Variants in DMRT2 observed in about 807,000 individuals in gnomAD.
DMRT2 encodes doublesex and mab-3 related transcription factor 2.
A neutral mutation model predicts 43.5 loss-of-function variants in DMRT2; 33 were observed. The ratio of observed to expected loss-of-function variants is 0.76; its 90% confidence interval spans 0.58 to 1.01. DMRT2 has a LOEUF of 1.01. Among genes scored for constraint, DMRT2 ranks in the 50% least tolerant of loss-of-function variants. DMRT2 has a pLI of 0.00. For synonymous variants in DMRT2, 395 were observed against 309.2 expected, an observed-to-expected ratio of 1.28 and a Z score of -2.91; for missense variants, 1,064 against 748.0, an observed-to-expected ratio of 1.42 and a Z score of -4.93.
At chr9:1,055,540 A>AT (rs1204537357) in intron 3 of DMRT2, among the ~76,000 whole-genome samples, 3 of 138,964 alleles carry the variant, frequency 2.2e-5, no homozygotes, top group African/African-American at 9.0e-5. Flanking sequence ...GTTTTATTTT[A>AT]TTTTATTTTT....
chr9:1,051,878 C>G lies in DMRT2; in HGVS notation c.265C>G (p.Pro89Ala). ...GCGGGGGGGACCGCAGCCGAGGCCG[C>G]CGCTCGCGCCTCAGGCCTCACCCGC... is the stretch of plus-strand genomic sequence containing the variant. ...EQRGGPQPRP[P>A]LAPQASPAGT... The change falls in exon 2 of 4, where the codon CCG becomes GCG. Residue 89 changes from proline to alanine, a missense_variant. Coordinates refer to ENST00000358146, the MANE Select transcript of DMRT2 (RefSeq NM_181872.6). This position sits in a 1 kb window ranked among gnomAD's most constrained non-coding sequence, Gnocchi z 5.9. The G allele has an allele frequency of 7.2e-7, 1 of 1,380,322 alleles. No homozygotes were observed. The allele number at this position is 1,380,322 out of a possible 1,614,324, so 85.5% of individuals were successfully genotyped here. A position where few individuals can be genotyped will look rare whatever the true frequency, so the allele number is the denominator to read the frequency against.
At position 1,056,717 on chromosome 9, in the gene DMRT2, A is replaced by G. The variant is rs745479643; in HGVS notation, c.1130A>G (p.Asp377Gly). The G allele has an allele frequency of 6.2e-6, 10 of 1,613,990 alleles. No homozygotes were observed. Among genetic ancestry groups the G allele is most frequent in the Admixed American group, 3.3e-5 (2 of 59,996 alleles). ...GCCCTGAAGCCTGGGGCCAGCTGGGACTTGAAGGGAGCACGAGTCCAGGAT... is the reference window on the plus strand; with the variant it reads ...GCCCTGAAGCCTGGGGCCAGCTGGGGCTTGAAGGGAGCACGAGTCCAGGAT... ...VQALKPGASW[D>G]LKGARVQDGL... The change falls in exon 4 of 4, where the codon GAC becomes GGC. Residue 377 changes from aspartate to glycine, a missense_variant. Transcript: ENST00000358146.
At chr9:1,055,759 A>G in intron 3 of DMRT2, 1 of 1,508,242 alleles carries the variant, frequency 6.6e-7, no homozygotes, top group Non-Finnish European at 8.9e-7. Context: ...ATGTGTACAT[A>G]ATGAACCATC....
chr9:1,051,884 G>C lies in DMRT2; in HGVS notation c.271G>C (p.Ala91Pro). The change falls in exon 2 of 4, where the codon GCG becomes CCG. Residue 91 changes from alanine to proline, a missense_variant. Coordinates refer to ENST00000358146, the MANE Select transcript of DMRT2 (RefSeq NM_181872.6). The surrounding 1 kb of genome is among the most constrained non-coding windows in gnomAD (Gnocchi z 5.9). ...RGGPQPRPPL[A>P]PQASPAGTGP... The stretch of plus-strand genomic sequence containing the variant: ...GGGACCGCAGCCGAGGCCGCCGCTC[G>C]CGCCTCAGGCCTCACCCGCCGGCAC... 1 of 1,379,480 alleles carries C rather than the reference G, an allele frequency of 7.2e-7. No homozygotes were observed. Among genetic ancestry groups the C allele is most frequent in the Non-Finnish European group, 9.3e-7 (1 of 1,078,326 alleles). 85.5% of individuals were successfully genotyped at this position (1,379,480 alleles called of 1,614,324 possible).
rs2130189972 is a variant in DMRT2 at position 1,051,680 on chromosome 9, G to A, written c.67G>A (p.Glu23Lys). Residue 23 changes from glutamate to lysine, a missense_variant, in exon 2 of 4, where the codon GAA becomes AAA. Coordinates refer to ENST00000358146, the MANE Select transcript of DMRT2 (RefSeq NM_181872.6). This position sits in a 1 kb window ranked among gnomAD's most constrained non-coding sequence, Gnocchi z 5.9. The part of the protein sequence containing the change: ...WEIDVESLEL[E>K]EDVCGAPRST... ...GATCGATGTCGAGAGCCTGGAGCTG[G>A]AAGAGGACGTCTGCGGGGCGCCGCG... 6.4e-7 allele frequency: 1 copy of A among 1,568,618 alleles called. No homozygotes were observed. The highest frequency in any genetic ancestry group is 8.6e-7 in the Non-Finnish European group (1 of 1,165,154).
Position 1,052,078 on chromosome 9 carries a change from G to A in DMRT2, c.465G>A (p.Val155=). 2 of 1,460,458 alleles carry A rather than the reference G, an allele frequency of 1.4e-6. No homozygotes were observed. Among genetic ancestry groups the A allele is most frequent in the South Asian group, 1.3e-5 (1 of 75,926 alleles). 90.5% of individuals were successfully genotyped at this position (1,460,458 alleles called of 1,614,324 possible). A position where few individuals can be genotyped will look rare whatever the true frequency, so the allele number is the denominator to read the frequency against. Residue 155 remains valine, a synonymous_variant, in exon 2 of 4, where the codon GTG becomes GTA. Transcript: ENST00000358146. ...GCCAGTGCGCCAACTGCCTGCTGGT[G>A]GTGGAGCGGCAGCGCGTCATGGCCG... ...RDCQCANCLL[V]VERQRVMAAQ...
At chr9:1,054,662 T>A (rs1821848069) in intron 3 of DMRT2, 1 of 152,138 alleles carries the variant, frequency 6.6e-6, no homozygotes, top group Non-Finnish European at 1.5e-5. Flanking sequence ...GGGTATGGAA[T>A]TTATTTATTG....
At position 1,056,263 on chromosome 9, in the gene DMRT2, C is replaced by G. The variant is rs1462307770; in HGVS notation, c.676C>G (p.Leu226Val). ...AETYVGGTFP[L>V]PPPVSDRMRK... is the part of the protein sequence containing the mutation. ...GACTTATGTAGGAGGGACCTTCCCT[C>G]TACCTCCCCCAGTTAGTGACAGGAT... is the stretch of plus-strand genomic sequence containing the variant. Residue 226 changes from leucine to valine, a missense_variant, in exon 4 of 4, where the codon CTA becomes GTA. By Grantham distance (32) the Leu-to-Val change is conservative. Coordinates refer to ENST00000358146, the MANE Select transcript of DMRT2 (RefSeq NM_181872.6). The G allele has an allele frequency of 1.2e-6, 2 of 1,614,148 alleles. No homozygotes were observed. The highest frequency in any genetic ancestry group is 2.2e-5 in the East Asian group (1 of 44,890).
At chr9:1,052,454 G>T (rs2130199040) in intron 2 of DMRT2, among the ~76,000 whole-genome samples, 1 of 152,120 alleles carries the variant, frequency 6.6e-6, no homozygotes, top group East Asian at 1.9e-4. Context: ...GTGCATTTTC[G>T]TGGTGTTGAG....
chr9:1,052,385 T>C (rs1821659643), intron 2 of DMRT2, among the ~76,000 whole-genome samples: 1 of 152,110 alleles, frequency 6.6e-6, no homozygotes, highest in South Asian at 2.1e-4. Context: ...CTTGAAAGTG[T>C]TTAGGCCCAT....
intron 3 of DMRT2, 81 bp downstream of exon 3, chr9:1,053,905 T>C (rs1451125419): frequency 1.6e-6 from 2 of 1,254,678 alleles, no homozygotes; most frequent in Admixed American, 2.0e-5. Flanking sequence ...TGTTTATTAA[T>C]CTGTGAAAGA....
In DMRT2 at chr9:1,051,689, G is replaced by C; in HGVS notation, c.76G>C (p.Val26Leu). Residue 26 changes from valine to leucine, a missense_variant, in exon 2 of 4, where the codon GTC (valine) becomes CTC (leucine). Val to Leu is a conservative substitution (Grantham distance 32). Transcript: ENST00000358146. This position sits in a 1 kb window ranked among gnomAD's most constrained non-coding sequence, Gnocchi z 5.9. Reference protein sequence around the residue: ...DVESLELEEDVCGAPRSTPPG... With the variant: ...DVESLELEEDLCGAPRSTPPG... ...CGAGAGCCTGGAGCTGGAAGAGGAC[G>C]TCTGCGGGGCGCCGCGGTCCACGCC... The C allele has an allele frequency of 1.9e-6, 3 of 1,562,366 alleles. No homozygotes were observed. Among genetic ancestry groups the C allele is most frequent in the Non-Finnish European group, 2.6e-6 (3 of 1,161,550 alleles).
In DMRT2 at chr9:1,056,222, G is replaced by A. The variant is rs140044845; in HGVS notation, c.635G>A (p.Arg212His). Residue 212 changes from arginine to histidine, a missense_variant, in exon 4 of 4, where the codon CGC becomes CAC. Physicochemically the swap from Arg to His is conservative, Grantham distance 29. Coordinates refer to ENST00000358146, the MANE Select transcript of DMRT2 (RefSeq NM_181872.6). The stretch of plus-strand genomic sequence containing the variant: ...CAATCTTTGCTTCTTGTAGGCTATC[G>A]CCCCATTCCAGCGGAGACTTATGTA... Reference protein sequence around the residue: ...LLAKSILEGYRPIPAETYVGG... With the variant: ...LLAKSILEGYHPIPAETYVGG... 1.2e-5 allele frequency: 20 copies of A among 1,604,258 alleles called. No individual in the cohort carries two copies. Among genetic ancestry groups the A allele is most frequent in the Middle Eastern group, 1.7e-4 (1 of 5,966 alleles).
chr9:1,054,694 T>G (rs965215014), intron 3 of DMRT2: 1 of 147,512 alleles, frequency 6.8e-6, no homozygotes, highest in Admixed American at 6.7e-5. Flanking sequence ...ATATTGACTA[T>G]TTTTAACCGT....
chr9:1,056,192 A>T, intron 3 of DMRT2, 24 bp from the exon 4 acceptor site: 2 of 1,575,296 alleles, frequency 1.3e-6, no homozygotes, highest in Non-Finnish European at 1.7e-6. Flanking sequence ...AATCTCTTTC[A>T]TGTGCAATCT....
In DMRT2 at chr9:1,056,342, G is replaced by C. The variant is rs1233084659; in HGVS notation, c.755G>C (p.Arg252Thr). 1.2e-6 allele frequency: 2 copies of C among 1,614,168 alleles called. No individual in the cohort carries two copies. Among genetic ancestry groups the C allele is most frequent in the South Asian group, 1.1e-5 (1 of 91,082 alleles). ...GAGTTGGAGAACATTATGCTGGAGA[G>C]AGAATATAAAGAAAGGGAGATGTTG... ...DKELENIMLE[R>T]EYKEREMLET... Residue 252 changes from arginine (R) to threonine (T), a missense_variant, in exon 4 of 4, where the codon AGA becomes ACA. Arg to Thr is a moderately conservative substitution (Grantham distance 71). Transcript: ENST00000358146.
At position 1,056,880 on chromosome 9, in the gene DMRT2, A is replaced by T; in HGVS notation, c.1293A>T (p.Pro431=). The part of the protein sequence containing the change: ...QAVPERSAFS[P]PRRNFSPIVD... ...TCCCAGAGAGGTCCGCGTTCTCCCC[A>T]CCCCGACGGAATTTCTCTCCCATTG... Residue 431 remains proline (P), a synonymous_variant, in exon 4 of 4, where the codon CCA becomes CCT. Transcript: ENST00000358146. The T allele has an allele frequency of 6.2e-7, 1 of 1,613,828 alleles. No homozygotes were observed. The highest frequency in any genetic ancestry group is 8.5e-7 in the Non-Finnish European group (1 of 1,179,976).
Position 1,053,785 on chromosome 9 carries a change from G to T in DMRT2, c.589G>T (p.Val197Phe), listed in dbSNP as rs779382151. ...GCGCAAAGCTGTGTACCAGAGGCAAGTCAGAGCCCCCAGTTTGCTGGCCAA... is the reference window on the plus strand; with the variant it reads ...GCGCAAAGCTGTGTACCAGAGGCAATTCAGAGCCCCCAGTTTGCTGGCCAA... ...FERKAVYQRQ[V>F]RAPSLLAKSI... is the part of the protein sequence containing the mutation. Residue 197 changes from valine (V) to phenylalanine (F), a missense_variant, in exon 3 of 4, where the codon GTC becomes TTC. Transcript: ENST00000358146. The T allele has an allele frequency of 6.2e-7, 1 of 1,614,168 alleles. No individual in the cohort carries two copies. Among genetic ancestry groups the T allele is most frequent in the Non-Finnish European group, 8.5e-7 (1 of 1,180,012 alleles).
chr9:1,051,525 C>T lies in DMRT2; in HGVS notation c.-44-45C>T, dbSNP rs1563718962. 13 of 1,423,342 alleles carry T rather than the reference C, an allele frequency of 9.1e-6. No individual in the cohort carries two copies. Among genetic ancestry groups the T allele is most frequent in the Non-Finnish European group, 1.1e-5 (12 of 1,098,700 alleles). 88.2% of individuals were successfully genotyped at this position (1,423,342 alleles called of 1,614,324 possible). A position where few individuals can be genotyped will look rare whatever the true frequency, so the allele number is the denominator to read the frequency against. On this transcript the variant is annotated intron_variant, in intron 1 of 3. Transcript: ENST00000358146. The surrounding 1 kb of genome is among the most constrained non-coding windows in gnomAD (Gnocchi z 5.9). The stretch of plus-strand genomic sequence containing the variant: ...TGGGCCGGAGGCTCAGGGATGGTCC[C>T]TGACGGCGGCCGGTGGGTCTTTGGA...
Sources: allele counts gnomAD v4.1 joint callset (sites outside exome capture counted in the v4.1 genomes callset), GRCh38; gene constraint gnomAD v4.1.1; non-coding constraint Gnocchi (gnomAD v3.1); transcripts MANE v1.5; gene names NCBI Gene and HGNC (gene_info 2026-07-23, HGNC 2026-07-21).